The following GATD1 variants were observed in gnomAD, a reference collection of about 807,000 sequenced individuals.
GATD1 encodes the protein glutamine amidotransferase-like class 1 domain-containing protein 1.
GATD1 carries 23 observed loss-of-function variants against 25.9 expected under a neutral mutation model. The ratio of observed to expected loss-of-function variants is 0.89; its 90% CI spans 0.64 to 1.26. The LOEUF (loss-of-function observed/expected upper bound fraction) is 1.26. Ranked by LOEUF, GATD1 falls within the 50% of genes most tolerant of loss-of-function variation. The pLI is 0.00. For missense variants in GATD1, 347 were observed against 312.5 expected, an observed-to-expected ratio of 1.11 and a Z score of -0.83; for synonymous variants, 177 against 134.6, an observed-to-expected ratio of 1.31 and a Z score of -2.18.
Position 777,453 on chromosome 11 carries a change from C to T in GATD1, c.10G>A (p.Glu4Lys). 6 of 1,250,006 alleles carry T rather than the reference C, an allele frequency of 4.8e-6. No individual in the cohort carries two copies. Among genetic ancestry groups the T allele is most frequent in the Non-Finnish European group, 6.0e-6 (6 of 996,972 alleles). 77.4% of individuals were successfully genotyped at this position (1,250,006 alleles called of 1,614,324 possible). The change falls in exon 1 of 8, where the codon GAG becomes AAG. Residue 4 changes from glutamate to lysine, a missense_variant. Glu to Lys is a moderately conservative substitution (Grantham distance 56). Transcript: ENST00000319863. Reference sequence around the variant, plus strand: ...CAGGCGGGCCTGTTAGGGAGCCGCTCGGACGCCATGGCTCGGGCTCGGCGC... The same window carrying T: ...CAGGCGGGCCTGTTAGGGAGCCGCTTGGACGCCATGGCTCGGGCTCGGCGC... MAS[E>K]RLPNRPACLL...
rs538222500 is a variant in GATD1 at position 773,379 on chromosome 11, G to T, written c.355+143C>A. 54 of 690,890 alleles carry T rather than the reference G, an allele frequency of 7.8e-5. 1 individual carries two copies. In the South Asian group the frequency reaches 9.1e-4, roughly 12 times the overall value. 42.8% of individuals were successfully genotyped at this position (690,890 alleles called of 1,614,324 possible). The stretch of plus-strand genomic sequence containing the variant: ...GGGGAAGGGGCAGTCCCTGCCTCCT[G>T]CCCACAACCACTGCAGTGGCCACTG... On this transcript the variant is annotated intron_variant, in intron 4 of 7. Coordinates refer to ENST00000319863, the MANE Select transcript of GATD1 (RefSeq NM_182612.4).
chr11:769,225 G>C lies in GATD1; in HGVS notation c.*1672C>G, dbSNP rs1400662045. On this transcript the variant is annotated 3_prime_UTR_variant, in exon 8 of 8. Coordinates refer to ENST00000319863, the MANE Select transcript of GATD1 (RefSeq NM_182612.4). ...TAAGTGGGCATCCTGACTAATCTGC[G>C]AGGCACTGGAGGGACGCAGCCTTCA... The C allele has an allele frequency of 1.2e-5, 12 of 985,488 alleles. No homozygotes were observed. Among genetic ancestry groups the C allele is most frequent in the Admixed American group, 6.1e-5 (1 of 16,292 alleles). The allele number at this position is 985,488 out of a possible 1,614,324, so 61.0% of individuals were successfully genotyped here. A position where few individuals can be genotyped will look rare whatever the true frequency, so the allele number is the denominator to read the frequency against.
At chr11:772,844 G>A (rs892871947) in intron 4 of GATD1, among the ~76,000 whole-genome samples, 6 of 152,310 alleles carry the variant, frequency 3.9e-5, no homozygotes, top group African/African-American at 1.2e-4. Flanking sequence ...GACGCTGCCC[G>A]GCAGCCCCAC....
rs574271918 is a variant in GATD1 at position 773,197 on chromosome 11, C to G, written c.355+325G>C. 5.5e-4 allele frequency: 190 copies of G among 342,552 alleles called. 1 individual carries two copies. Among genetic ancestry groups the G allele is most frequent in the African/African-American group, 3.9e-3 (174 of 44,996 alleles). 21.2% of individuals were successfully genotyped at this position (342,552 alleles called of 1,614,324 possible). ...GCCTTCCTCCCTGCACCCCTGCTGG[C>G]CTTGAGCCCCAAGCCCAGCCCTGGA... On this transcript the variant is annotated intron_variant, in intron 4 of 7. Coordinates refer to ENST00000319863, the MANE Select transcript of GATD1 (RefSeq NM_182612.4).
rs1318718580 is a variant in GATD1 at position 770,279 on chromosome 11, A to G, written c.*618T>C. On this transcript the variant is annotated 3_prime_UTR_variant, in exon 8 of 8. Coordinates refer to ENST00000319863, the MANE Select transcript of GATD1 (RefSeq NM_182612.4). ...TATTCACAAGTAAACGTGCCTCTCA[A>G]TGCTTAGGACAGGGTGCATCACTGA... 2 of 1,469,486 alleles carry G rather than the reference A, an allele frequency of 1.4e-6. No individual in the cohort carries two copies. The highest frequency in any genetic ancestry group is 1.3e-5 in the South Asian group (1 of 76,618). The allele number at this position is 1,469,486 out of a possible 1,614,324, so 91.0% of individuals were successfully genotyped here.
In GATD1 at chr11:767,536, A is replaced by C; in HGVS notation, c.*3361T>G. On this transcript the variant is annotated 3_prime_UTR_variant, in exon 8 of 8. Transcript: ENST00000319863. ...ACATCCCAAAGCCCCACCTGCTTTGATCTTCAATGCTGGGCTCAATGTCAG... is the reference window on the plus strand; with the variant it reads ...ACATCCCAAAGCCCCACCTGCTTTGCTCTTCAATGCTGGGCTCAATGTCAG... 7.0e-7 allele frequency: 1 copy of C among 1,426,294 alleles called. No homozygotes were observed. The highest frequency in any genetic ancestry group is 9.1e-7 in the Non-Finnish European group (1 of 1,095,924). The allele number at this position is 1,426,294 out of a possible 1,614,324, so 88.4% of individuals were successfully genotyped here.
intron 1 of GATD1, among the ~76,000 whole-genome samples, chr11:775,669 C>T (rs1398287298): frequency 6.6e-6 from 1 of 152,212 alleles, no homozygotes; most frequent in African/African-American, 2.4e-5. Context: ...CCCCCCCTCA[C>T]CCCTTCCAGG....
intron 1 of GATD1, 55 bp from the exon 2 acceptor site, chr11:775,197 G>C (rs1863841484): frequency 1.4e-6 from 2 of 1,457,216 alleles, no homozygotes; most frequent in Non-Finnish European, 9.4e-7. Context: ...CCCCGCCTCA[G>C]GGGGCTACCC....
At chr11:774,135 G>T in intron 2 of GATD1, 22 bp from the exon 3 acceptor site, 1 of 1,601,908 alleles carries the variant, frequency 6.2e-7, no homozygotes, top group East Asian at 2.2e-5. Flanking sequence ...GAGCCCAGGG[G>T]CCGAGGGTCA....
At position 770,245 on chromosome 11, in the gene GATD1, A is replaced by G. The variant is rs1863312495; in HGVS notation, c.*652T>C. The stretch of plus-strand genomic sequence containing the variant: ...GCACTTTCCTATCATTGAGAATCTC[A>G]TGGTCTCATATTCACAAGTAAACGT... On this transcript the variant is annotated 3_prime_UTR_variant, in exon 8 of 8. Transcript: ENST00000319863. 5 of 1,404,454 alleles carry G rather than the reference A, an allele frequency of 3.6e-6. No homozygotes were observed. The highest frequency in any genetic ancestry group is 3.7e-6 in the Non-Finnish European group (4 of 1,073,422). 87.0% of individuals were successfully genotyped at this position (1,404,454 alleles called of 1,614,324 possible). A position where few individuals can be genotyped will look rare whatever the true frequency, so the allele number is the denominator to read the frequency against.
intron 5 of GATD1, among the ~76,000 whole-genome samples, chr11:772,092 T>C (rs1420671803): frequency 6.6e-6 from 1 of 152,200 alleles, no homozygotes; most frequent in Non-Finnish European, 1.5e-5. Context: ...CCCTCCTGAC[T>C]GCACACGCAA....
In GATD1 at chr11:767,398, G is replaced by A; in HGVS notation, c.*3499C>T. On this transcript the variant is annotated 3_prime_UTR_variant, in exon 8 of 8. Coordinates refer to ENST00000319863, the MANE Select transcript of GATD1 (RefSeq NM_182612.4). ...CCTGGCAAAGAGAGAACTGTGCACA[G>A]CGGGGAGGCTCTCCAAGCCAGAGGC... The A allele has an allele frequency of 1.0e-5, 16 of 1,529,886 alleles. No homozygotes were observed. The highest frequency in any genetic ancestry group is 1.4e-5 in the Non-Finnish European group (16 of 1,144,122). The allele number at this position is 1,529,886 out of a possible 1,614,324, so 94.8% of individuals were successfully genotyped here.
chr11:771,076 C>A lies in GATD1; in HGVS notation c.573G>T (p.Val191=). ...SASEPDAVHV[V]LDRHLVTGQN... ...GGCCTGTGACCAGGTGGCGGTCCAG[C>A]ACGACGTGGACAGCGTCAGGCTCGC... Residue 191 remains valine, a synonymous_variant, in exon 7 of 8, where the codon GTG becomes GTT. Transcript: ENST00000319863. 3 of 1,609,256 alleles carry A rather than the reference C, an allele frequency of 1.9e-6. No homozygotes were observed. Among genetic ancestry groups the A allele is most frequent in the Non-Finnish European group, 2.5e-6 (3 of 1,178,778 alleles).
chr11:770,600 C>T lies in GATD1; in HGVS notation c.*297G>A, dbSNP rs964361622. On this transcript the variant is annotated 3_prime_UTR_variant, in exon 8 of 8. Coordinates refer to ENST00000319863, the MANE Select transcript of GATD1 (RefSeq NM_182612.4). The stretch of plus-strand genomic sequence containing the variant: ...GTGACAACCAGTCCTCCCTAGAAAA[C>T]CCAGCCTGGAATTCCCGAGGACCAC... 2 of 1,411,054 alleles carry T rather than the reference C, an allele frequency of 1.4e-6. No individual in the cohort carries two copies. The highest frequency in any genetic ancestry group is 1.6e-5 in the South Asian group (1 of 60,762). The allele number at this position is 1,411,054 out of a possible 1,614,324, so 87.4% of individuals were successfully genotyped here. A position where few individuals can be genotyped will look rare whatever the true frequency, so the allele number is the denominator to read the frequency against.
intron 5 of GATD1, among the ~76,000 whole-genome samples, chr11:771,738 G>A (rs1458099375): frequency 6.6e-6 from 1 of 152,030 alleles, no homozygotes; most frequent in African/African-American, 2.4e-5. Flanking sequence ...AGAGTGCTGG[G>A]GCGGGGCACC....
chr11:773,989 G>A lies in GATD1; in HGVS notation c.247+19C>T, dbSNP rs574181366. ...AGGTCCCAGGCACCCCACCCCCAAG[G>A]AGTGGGTCCCGGGCCTACCATCGAT... On this transcript the variant is annotated intron_variant, in intron 3 of 7. Transcript: ENST00000319863. The A allele has an allele frequency of 1.2e-6, 2 of 1,610,614 alleles. No individual in the cohort carries two copies. Among genetic ancestry groups the A allele is most frequent in the South Asian group, 2.2e-5 (2 of 91,036 alleles).
rs967811291 is a variant in GATD1, at chr11:770,595, G to C, written c.*302C>G. On this transcript the variant is annotated 3_prime_UTR_variant, in exon 8 of 8. Transcript: ENST00000319863. The stretch of plus-strand genomic sequence containing the variant: ...CACACGTGACAACCAGTCCTCCCTA[G>C]AAAACCCAGCCTGGAATTCCCGAGG... The C allele has an allele frequency of 1.4e-6, 2 of 1,411,300 alleles. No homozygotes were observed. Among genetic ancestry groups the C allele is most frequent in the Middle Eastern group, 2.6e-4 (1 of 3,810 alleles). 87.4% of individuals were successfully genotyped at this position (1,411,300 alleles called of 1,614,324 possible).
chr11:776,505 C>G lies in GATD1; in HGVS notation c.64+894G>C, dbSNP rs993156587. ...TGGAAACAAGCCCCAACCCACCCCCCCAGGACTGAACCCCACTCGAGGCTC... is the reference window on the plus strand; with the variant it reads ...TGGAAACAAGCCCCAACCCACCCCCGCAGGACTGAACCCCACTCGAGGCTC... On this transcript the variant is annotated intron_variant, in intron 1 of 7. Coordinates refer to ENST00000319863, the MANE Select transcript of GATD1 (RefSeq NM_182612.4). Among the ~76,000 whole-genome samples, 9 of 152,154 alleles carry G rather than the reference C, an allele frequency of 5.9e-5. No individual in the cohort carries two copies. In the South Asian group the frequency reaches 6.2e-4, roughly 11 times the overall value.
Position 767,459 on chromosome 11 carries a change from A to G in GATD1, c.*3438T>C. The stretch of plus-strand genomic sequence containing the variant: ...GCTGAGGAATGACGCAGGGGCCTGC[A>G]GGCAGCTCACGCGGAGACAGGTCTG... On this transcript the variant is annotated 3_prime_UTR_variant, in exon 8 of 8. Coordinates refer to ENST00000319863, the MANE Select transcript of GATD1 (RefSeq NM_182612.4). 2 of 1,463,786 alleles carry G rather than the reference A, an allele frequency of 1.4e-6. No homozygotes were observed. The highest frequency in any genetic ancestry group is 2.8e-5 in the South Asian group (2 of 72,330). The allele number at this position is 1,463,786 out of a possible 1,614,324, so 90.7% of individuals were successfully genotyped here.
Sources: gnomAD v4.1 joint callset for allele counts (sites outside exome capture counted in the v4.1 genomes callset) on GRCh38, gnomAD v4.1.1 for gene constraint, MANE v1.5 for transcripts, NCBI Gene and HGNC (gene_info 2026-07-23, HGNC 2026-07-21) for gene names.